PTPN18: variants seen among roughly 807,000 people sequenced by gnomAD.
PTPN18 encodes protein tyrosine phosphatase non-receptor type 18.
A neutral mutation model predicts 65.4 loss-of-function variants in PTPN18; 65 were observed. The observed-to-expected ratio is 0.99, with a 90% CI of 0.81 to 1.22. The LOEUF (loss-of-function observed/expected upper bound fraction) is 1.22. PTPN18 is among the 50% of genes most tolerant of loss of function. PTPN18 has a pLI of 0.00. For synonymous variants in PTPN18, 255 were observed against 267.8 expected (o/e 0.95, Z 0.47); for missense variants, 616 against 646.5 (o/e 0.95, Z 0.51).
intron 5 of PTPN18, among the ~76,000 whole-genome samples, chr2:130,360,172 TA>T (rs1279262204): frequency 5.3e-5 from 8 of 152,230 alleles, no homozygotes; most frequent in Non-Finnish European, 1.0e-4. Flanking sequence ...TCCCTTGTCC[TA>T]CTTTTCCTTC....
chr2:130,359,292 A>C lies in PTPN18; in HGVS notation c.262A>C (p.Asn88His), dbSNP rs1680108422. Residue 88 changes from asparagine (N) to histidine (H), a missense_variant, in exon 3 of 15, where the codon AAT becomes CAT. Transcript: ENST00000175756. The stretch of plus-strand genomic sequence containing the variant: ...GGAAGAGGGACACAGCGACTACATT[A>C]ATGGCAACTTCATCCGGGTGAGGGT... ...LQEEGHSDYI[N>H]GNFIRGVDGS... The C allele has an allele frequency of 6.2e-7, 1 of 1,614,154 alleles. No homozygotes were observed. Among genetic ancestry groups the C allele is most frequent in the Admixed American group, 1.7e-5 (1 of 60,022 alleles).
At chr2:130,360,416 G>A (rs1400942785) in intron 5 of PTPN18, among the ~76,000 whole-genome samples, 1 of 152,148 alleles carries the variant, frequency 6.6e-6, no homozygotes, top group African/African-American at 2.4e-5. Context: ...CCATGGATGG[G>A]GTAGGGGTTC....
chr2:130,367,282 A>G (rs1476711894), intron 5 of PTPN18, among the ~76,000 whole-genome samples: 1 of 152,114 alleles, frequency 6.6e-6, no homozygotes, highest in Non-Finnish European at 1.5e-5. Context: ...TTAGGATATC[A>G]TAGCATTGAC....
At chr2:130,363,403 T>TGTG (rs1680285563) in intron 5 of PTPN18, among the ~76,000 whole-genome samples, 1 of 151,868 alleles carries the variant, frequency 6.6e-6, no homozygotes, top group Admixed American at 6.6e-5. Flanking sequence ...GCTGAGATTG[T>TGTG]GCCACTACAC....
intron 7 of PTPN18, 47 bp from the exon 8 acceptor site, chr2:130,370,001 T>C (rs1177355817): frequency 6.2e-7 from 1 of 1,605,930 alleles, no homozygotes; most frequent in Admixed American, 1.7e-5. Flanking sequence ...TTAATGCTTT[T>C]TTCTTTTTTT....
At chr2:130,362,306 C>A in intron 5 of PTPN18, 1 of 334,800 alleles carries the variant, frequency 3.0e-6, no homozygotes, top group Non-Finnish European at 5.9e-6. Flanking sequence ...CAGTCTCTGC[C>A]TTTAATTGGA....
At position 130,369,754 on chromosome 2, in the gene PTPN18, C is replaced by T; in HGVS notation, c.484-11C>T. On this transcript the variant is annotated splice_polypyrimidine_tract_variant and intron_variant, in intron 6 of 14. Transcript: ENST00000175756. The stretch of plus-strand genomic sequence containing the variant: ...CTCCCTCTTCTTACTTGCCCCACCC[C>T]CCTTACTCAGATAAAGGAGAAGTGG... The T allele has an allele frequency of 6.3e-7, 1 of 1,582,792 alleles. No individual in the cohort carries two copies. The highest frequency in any genetic ancestry group is 8.7e-7 in the Non-Finnish European group (1 of 1,151,924).
chr2:130,359,107 C>A (rs928439083), intron 2 of PTPN18, 126 bp from the exon 3 acceptor site: 2 of 1,470,790 alleles, frequency 1.4e-6, no homozygotes, highest in Non-Finnish European at 1.9e-6. Context: ...CAGCAGCCCA[C>A]AAGGGCACCT....
intron 13 of PTPN18, 129 bp downstream of exon 13, chr2:130,372,612 C>A: frequency 8.2e-7 from 1 of 1,212,184 alleles, no homozygotes; most frequent in Non-Finnish European, 1.1e-6. Context: ...CACGCCCCGA[C>A]GCTGATGTCC....
Position 130,370,794 on chromosome 2 carries a change from G to A in PTPN18, c.834+12G>A. 6.2e-7 allele frequency: 1 copy of A among 1,613,580 alleles called. No homozygotes were observed. Among genetic ancestry groups the A allele is most frequent in the East Asian group, 2.2e-5 (1 of 44,854 alleles). On this transcript the variant is annotated intron_variant, in intron 10 of 14. Transcript: ENST00000175756. ...CCGTGCAGACAGAGGTGAACCCTGGGTCTCCTAATCTTCAGGGACAGTGGC... is the reference window on the plus strand; with the variant it reads ...CCGTGCAGACAGAGGTGAACCCTGGATCTCCTAATCTTCAGGGACAGTGGC...
intron 12 of PTPN18, 170 bp from the exon 13 acceptor site, chr2:130,372,087 A>T: frequency 1.8e-6 from 1 of 570,086 alleles, no homozygotes; most frequent in South Asian, 2.3e-5. Context: ...CCTAACTTGC[A>T]GGGCGCTAGG....
intron 5 of PTPN18, chr2:130,362,098 A>G: frequency 2.1e-6 from 1 of 469,248 alleles, no homozygotes; most frequent in South Asian, 1.6e-5. Context: ...CTCCCTGAGG[A>G]GTTGGGACTA....
At chr2:130,364,860 A>T (rs1680333226) in intron 5 of PTPN18, among the ~76,000 whole-genome samples, 1 of 152,238 alleles carries the variant, frequency 6.6e-6, no homozygotes, top group African/African-American at 2.4e-5. Flanking sequence ...CCCTGTTTTC[A>T]GTTCCCTGGG....
intron 5 of PTPN18, among the ~76,000 whole-genome samples, chr2:130,363,245 A>G (rs111864198): frequency 0.3 from 45,915 of 151,100 alleles, 9,119 homozygotes; most frequent in African/African-American, 0.57. Context: ...TCAGGAGATC[A>G]AGACCATCCT....
In PTPN18 at chr2:130,359,253, C is replaced by T. The variant is rs1327250076; in HGVS notation, c.223C>T (p.Leu75Phe). The T allele has an allele frequency of 6.2e-7, 1 of 1,614,006 alleles. No homozygotes were observed. Among genetic ancestry groups the T allele is most frequent in the Non-Finnish European group, 8.5e-7 (1 of 1,180,040 alleles). Residue 75 changes from leucine to phenylalanine, a missense_variant, in exon 3 of 15, where the codon CTC (leucine) becomes TTC (phenylalanine). Coordinates refer to ENST00000175756, the MANE Select transcript of PTPN18 (RefSeq NM_014369.4). ...VLPYDQTRVI[L>F]SLLQEEGHSD... ...GACAGATGATCAGACGCGAGTAATC[C>T]TCTCCCTGCTCCAGGAAGAGGGACA...
chr2:130,360,959 G>C (rs1680172161), intron 5 of PTPN18, among the ~76,000 whole-genome samples: 1 of 151,940 alleles, frequency 6.6e-6, no homozygotes, highest in South Asian at 2.1e-4. Context: ...AGACTCCTGA[G>C]TAGCTAGGAA....
chr2:130,357,698 C>T (rs570317325), intron 1 of PTPN18, among the ~76,000 whole-genome samples: 8 of 151,886 alleles, frequency 5.3e-5, no homozygotes, highest in Admixed American at 1.3e-4. Flanking sequence ...CTACTAAACA[C>T]ACAAAAAATT....
chr2:130,367,378 A>G (rs903556668), intron 5 of PTPN18, among the ~76,000 whole-genome samples: 1 of 151,782 alleles, frequency 6.6e-6, no homozygotes, highest in South Asian at 2.1e-4. Flanking sequence ...TGCTTTTAAG[A>G]TTTTCTCTTC....
intron 13 of PTPN18, 60 bp from the exon 14 acceptor site, chr2:130,372,813 G>T: frequency 6.3e-7 from 1 of 1,582,258 alleles, no homozygotes. Context: ...CGCTAGGGGT[G>T]GGGTCTTGGG....
Sources: gnomAD v4.1 joint callset for allele counts (sites outside exome capture counted in the v4.1 genomes callset) on GRCh38, gnomAD v4.1.1 for gene constraint, MANE v1.5 for transcripts, NCBI Gene and HGNC (gene_info 2026-07-23, HGNC 2026-07-21) for gene names.